BRINP2: variants seen among roughly 807,000 people sequenced by gnomAD.
BRINP2 encodes BMP/retinoic acid inducible neural specific 2.
A neutral mutation model predicts 69.2 loss-of-function variants in BRINP2; 21 were observed. That is an observed-to-expected ratio of 0.30 (90% CI 0.22 to 0.44). BRINP2 has a LOEUF of 0.44. BRINP2 is among the 20% of genes least tolerant of loss of function. The probability of loss-of-function intolerance (pLI) is 1.00; values close to 1 mark genes in which losing one functional copy is unlikely to be tolerated. For missense variants in BRINP2, 877 were observed against 986.0 expected (o/e 0.89, Z 1.48); for synonymous variants, 380 against 394.1 (o/e 0.96, Z 0.42).
In BRINP2 at chr1:177,280,573, G is replaced by T; in HGVS notation, c.1397G>T (p.Cys466Phe). The T allele has an allele frequency of 6.2e-7, 1 of 1,614,174 alleles. No homozygotes were observed. The highest frequency in any genetic ancestry group is 8.5e-7 in the Non-Finnish European group (1 of 1,180,028). ...TGTGCCTTGGGCGAAGGGCCCGCGTGTGCCCACTGTGCTCCAGACAATAGC... is the reference window on the plus strand; with the variant it reads ...TGTGCCTTGGGCGAAGGGCCCGCGTTTGCCCACTGTGCTCCAGACAATAGC... The part of the protein sequence containing the change: ...IPCALGEGPA[C>F]AHCAPDNSTR... Residue 466 changes from cysteine to phenylalanine, a missense_variant, in exon 8 of 8, where the codon TGT becomes TTT. This residue lies in a region of BRINP2 where 566 missense variants were observed against 625.2 expected (regional missense o/e 0.91). Coordinates refer to ENST00000361539, the MANE Select transcript of BRINP2 (RefSeq NM_021165.4).
rs148376425 is a variant in BRINP2 at position 177,266,716 on chromosome 1, C to T, written c.670-6772C>T. On this transcript the variant is annotated intron_variant, in intron 4 of 7. Transcript: ENST00000361539. ...TGGAGCTTGCAGTGAGTCGAGATCACGCCACTGCACTCCAGCCTGGGGAAC... is the reference window on the plus strand; with the variant it reads ...TGGAGCTTGCAGTGAGTCGAGATCATGCCACTGCACTCCAGCCTGGGGAAC... Among the ~76,000 whole-genome samples, 950 of 142,002 alleles carry T rather than the reference C, an allele frequency of 6.7e-3. 6 individuals carry two copies. The highest frequency in any genetic ancestry group is 0.024 in the African/African-American group (881 of 37,442). The allele number at this position is 142,002 out of a possible 152,430, so 93.2% of individuals were successfully genotyped here.
At chr1:177,217,438 G>T (rs1291614567) in intron 1 of BRINP2, among the ~76,000 whole-genome samples, 1 of 151,938 alleles carries the variant, frequency 6.6e-6, no homozygotes. Context: ...GTATCTTCTT[G>T]AAGTTTACTA....
chr1:177,183,563 T>C (rs1057354868), intron 1 of BRINP2, among the ~76,000 whole-genome samples: 1 of 152,150 alleles, frequency 6.6e-6, no homozygotes, highest in African/African-American at 2.4e-5. Context: ...AGTCAGATAT[T>C]TGATCATAAA....
intron 1 of BRINP2, among the ~76,000 whole-genome samples, chr1:177,183,875 CAT>C (rs1165706688): frequency 6.6e-6 from 1 of 152,162 alleles, no homozygotes; most frequent in African/African-American, 2.4e-5. Flanking sequence ...GGGAATCCCA[CAT>C]GTTTTCCATT....
At chr1:177,278,491 C>A in intron 6 of BRINP2, 72 bp from the exon 7 acceptor site, 1 of 1,403,380 alleles carries the variant, frequency 7.1e-7, no homozygotes, top group Non-Finnish European at 1.0e-6. Flanking sequence ...TGGATCTGGG[C>A]AGCGTCCACT....
At chr1:177,210,109 C>A (rs1649181620) in intron 1 of BRINP2, among the ~76,000 whole-genome samples, 1 of 152,210 alleles carries the variant, frequency 6.6e-6, no homozygotes, top group African/African-American at 2.4e-5. Flanking sequence ...TCACTGACTT[C>A]TCCAAAGTCA....
Position 177,282,384 on chromosome 1 carries a change from A to G in BRINP2, c.*856A>G, listed in dbSNP as rs2102368505. Reference sequence around the variant, plus strand: ...TTTTCCTTGTTAATCTGCTCCAACCACCTGAACATCTAAGTAAACATTTAT... The same window carrying G: ...TTTTCCTTGTTAATCTGCTCCAACCGCCTGAACATCTAAGTAAACATTTAT... On this transcript the variant is annotated 3_prime_UTR_variant, in exon 8 of 8. Transcript: ENST00000361539. The G allele has an allele frequency of 6.6e-6, 1 of 152,110 alleles. No individual in the cohort carries two copies. The highest frequency in any genetic ancestry group is 1.5e-5 in the Non-Finnish European group (1 of 68,002). The allele number at this position is 152,110 out of a possible 1,614,324, so 9.4% of individuals were successfully genotyped here. A position where few individuals can be genotyped will look rare whatever the true frequency, so the allele number is the denominator to read the frequency against.
chr1:177,191,079 C>T (rs1317898105), intron 1 of BRINP2, among the ~76,000 whole-genome samples: 2 of 152,166 alleles, frequency 1.3e-5, no homozygotes, highest in South Asian at 4.1e-4. Context: ...GAGCGTTGTC[C>T]TTCCAGGAAG....
intron 1 of BRINP2, among the ~76,000 whole-genome samples, chr1:177,208,858 A>G (rs1340006681): frequency 6.6e-6 from 1 of 152,238 alleles, no homozygotes; most frequent in African/African-American, 2.4e-5. Context: ...AAGCCACCTC[A>G]GGGTACTGTA....
intron 2 of BRINP2, among the ~76,000 whole-genome samples, chr1:177,245,030 G>A (rs1453557318): frequency 6.6e-6 from 1 of 152,084 alleles, no homozygotes; most frequent in African/African-American, 2.4e-5. Flanking sequence ...TAATACTGGC[G>A]AGAATGATGA....
intron 1 of BRINP2, among the ~76,000 whole-genome samples, chr1:177,177,395 G>C (rs1648119682): frequency 6.6e-6 from 1 of 152,070 alleles, no homozygotes; most frequent in Non-Finnish European, 1.5e-5. Flanking sequence ...TTACAGATTG[G>C]AATATTATAA....
intron 1 of BRINP2, among the ~76,000 whole-genome samples, chr1:177,182,872 C>T (rs1571883872): frequency 6.6e-6 from 1 of 152,158 alleles, no homozygotes; most frequent in Non-Finnish European, 1.5e-5. Context: ...AGAATTAGTA[C>T]TCATCAAGTC....
chr1:177,187,619 G>C (rs1489211726), intron 1 of BRINP2, among the ~76,000 whole-genome samples: 1 of 152,148 alleles, frequency 6.6e-6, no homozygotes, highest in African/African-American at 2.4e-5. Context: ...GTGGAGTTTA[G>C]CCAAAGCAGG....
In BRINP2 at chr1:177,247,526, CT is replaced by C. The variant is rs1312345987; in HGVS notation, c.270-8392del. Among the ~76,000 whole-genome samples the C allele has an allele frequency of 3.9e-5, 6 of 152,228 alleles. No homozygotes were observed. In the East Asian group the frequency reaches 1.2e-3, roughly 29 times the overall value. On this transcript the variant is annotated intron_variant, in intron 2 of 7. Transcript: ENST00000361539. ...AATATTTTATTCAATAACATGTCCT[CT>C]GTTTATCTTCATTTTTCAGGGAAAA...
chr1:177,253,211 T>G (rs1650637566), intron 2 of BRINP2, among the ~76,000 whole-genome samples: 1 of 152,164 alleles, frequency 6.6e-6, no homozygotes, highest in Admixed American at 6.5e-5. Flanking sequence ...CAGCATTTGT[T>G]ATTTTCTGTC....
chr1:177,223,538 G>A (rs1222651763), intron 1 of BRINP2, among the ~76,000 whole-genome samples: 2 of 152,176 alleles, frequency 1.3e-5, no homozygotes, highest in Non-Finnish European at 2.9e-5. Flanking sequence ...TGAGGTTAAG[G>A]AGAGCTGAGT....
intron 2 of BRINP2, among the ~76,000 whole-genome samples, chr1:177,247,781 C>T (rs1015947003): frequency 6.6e-6 from 1 of 152,232 alleles, no homozygotes; most frequent in Non-Finnish European, 1.5e-5. Flanking sequence ...TATCTCAATT[C>T]TGAGAAACGC....
intron 2 of BRINP2, among the ~76,000 whole-genome samples, chr1:177,246,619 C>T (rs12069896): frequency 2.0e-4 from 30 of 152,264 alleles, no homozygotes; most frequent in African/African-American, 6.0e-4. Flanking sequence ...AGAGAGACTA[C>T]TGGAAATAGA....
In BRINP2 at chr1:177,281,039, T is replaced by C. The variant is rs753028699; in HGVS notation, c.1863T>C (p.Ala621=). The C allele has an allele frequency of 1.2e-6, 2 of 1,614,224 alleles. No individual in the cohort carries two copies. The highest frequency in any genetic ancestry group is 1.7e-5 in the Admixed American group (1 of 60,030). The change falls in exon 8 of 8, where the codon GCT becomes GCC. Residue 621 remains alanine (A), a synonymous_variant. Coordinates refer to ENST00000361539, the MANE Select transcript of BRINP2 (RefSeq NM_021165.4). ...GGGAAAGGACTAACGTGGATGCAGC[T>C]GCCCAGTGCCAAAACTGGACTATCA... ...PDWERTNVDA[A]AQCQNWTITL...
Sources: gnomAD v4.1 joint callset for allele counts (sites outside exome capture counted in the v4.1 genomes callset) on GRCh38, gnomAD v4.1.1 for gene constraint, gnomAD v4.1.1 regional missense constraint, MANE v1.5 for transcripts, NCBI Gene and HGNC (gene_info 2026-07-23, HGNC 2026-07-21) for gene names.